Variants in KAZN observed in about 807,000 individuals in gnomAD.
KAZN encodes the protein kazrin, periplakin interacting protein, also known as kazrin.
KAZN carries 40 observed loss-of-function variants against 87.4 expected under a neutral mutation model. That is an observed-to-expected ratio of 0.46 (90% CI 0.36 to 0.60). The LOEUF (loss-of-function observed/expected upper bound fraction) is 0.60, where lower values mean the gene tolerates loss of function less well. KAZN is among the 20% of genes least tolerant of loss of function. KAZN has a pLI of 0.00. For missense variants in KAZN, 898 were observed against 1,073.9 expected (o/e 0.84, Z 2.29); for synonymous variants, 466 against 458.3 (o/e 1.02, Z -0.22).
intron 2 of KAZN, among the ~76,000 whole-genome samples, chr1:14,407,432 G>C (rs1663949360): frequency 6.6e-6 from 1 of 152,196 alleles, no homozygotes; most frequent in African/African-American, 2.4e-5. Flanking sequence ...AGAATCTTGT[G>C]GTGGTAAATG....
chr1:15,094,196 C>T lies in KAZN; in HGVS notation c.1239C>T (p.Cys413=). ...PGLFDDSDSQ[C]SPTRQSLSLS... Reference sequence around the variant, plus strand: ...GTGTTGCAGACTCGGACAGCCAGTGCAGCCCCACGCGGCAGAGCCTCAGCC... The same window carrying T: ...GTGTTGCAGACTCGGACAGCCAGTGTAGCCCCACGCGGCAGAGCCTCAGCC... The change falls in exon 9 of 15, where the codon TGC becomes TGT. Residue 413 remains cysteine (C), a synonymous_variant. Coordinates refer to ENST00000376030, the MANE Select transcript of KAZN (RefSeq NM_201628.3). This position sits in a 1 kb window ranked among gnomAD's most constrained non-coding sequence, Gnocchi z 4.5. 2 of 1,613,260 alleles carry T rather than the reference C, an allele frequency of 1.2e-6. No individual in the cohort carries two copies.
intron 2 of KAZN, among the ~76,000 whole-genome samples, chr1:14,527,347 G>A (rs1356375367): frequency 1.3e-5 from 2 of 152,106 alleles, no homozygotes; most frequent in Non-Finnish European, 2.9e-5. Context: ...TCAAGAGTTC[G>A]AGACCAGCCT....
chr1:14,615,105 C>T (rs1678125718), intron 1 of KAZN, among the ~76,000 whole-genome samples: 1 of 152,242 alleles, frequency 6.6e-6, no homozygotes, highest in Non-Finnish European at 1.5e-5. Context: ...TCCCTGCAGG[C>T]ACTGAGGAAG....
At chr1:15,006,871 A>G (rs1485543517) in intron 2 of KAZN, among the ~76,000 whole-genome samples, 1 of 151,974 alleles carries the variant, frequency 6.6e-6, no homozygotes, top group Non-Finnish European at 1.5e-5. Flanking sequence ...CCTGGCTAAC[A>G]TGGTGAAACC....
intron 2 of KAZN, among the ~76,000 whole-genome samples, chr1:14,245,030 G>A (rs554203782): frequency 1.3e-5 from 2 of 151,876 alleles, no homozygotes; most frequent in East Asian, 1.9e-4. Flanking sequence ...GCGAGATCTC[G>A]GCTCACTACT....
At chr1:14,168,866 G>C (rs116519658) in intron 1 of KAZN, among the ~76,000 whole-genome samples, 2 of 152,154 alleles carry the variant, frequency 1.3e-5, no homozygotes, top group Non-Finnish European at 2.9e-5. Context: ...ATGCAATGAT[G>C]CATGCAAGCC....
At chr1:14,410,130 G>A (rs775125755) in intron 2 of KAZN, among the ~76,000 whole-genome samples, 34 of 152,242 alleles carry the variant, frequency 2.2e-4, no homozygotes, top group East Asian at 7.7e-4. Flanking sequence ...TTGAGAGAGG[G>A]TCTTGCTCTG....
Position 14,384,473 on chromosome 1 carries a change from A to G in KAZN, c.249+203881A>G, listed in dbSNP as rs1281684069. ...GGGTTTGTCATAGATAGCTCTTACT[A>G]TTTTGAAATACGTCCCATCAATACC... On this transcript the variant is annotated intron_variant, in intron 2 of 16. Transcript: ENST00000636203. Among the ~76,000 whole-genome samples, 4 of 152,142 alleles carry G rather than the reference A, an allele frequency of 2.6e-5. No homozygotes were observed. In the East Asian group the frequency reaches 7.7e-4, roughly 29 times the overall value.
At chr1:14,652,912 C>A (rs1638544682) in intron 1 of KAZN, among the ~76,000 whole-genome samples, 1 of 151,984 alleles carries the variant, frequency 6.6e-6, no homozygotes. Flanking sequence ...GTGCCACTGG[C>A]ATCTGGCAGG....
At chr1:14,235,003 T>A (rs931520983) in intron 2 of KAZN, among the ~76,000 whole-genome samples, 17 of 152,220 alleles carry the variant, frequency 1.1e-4, no homozygotes, top group African/African-American at 3.9e-4. Context: ...AAATAGCTAG[T>A]TACTGTATGA....
At chr1:14,292,621 C>T (rs1205782344) in intron 2 of KAZN, among the ~76,000 whole-genome samples, 1 of 152,230 alleles carries the variant, frequency 6.6e-6, no homozygotes, top group Non-Finnish European at 1.5e-5. Flanking sequence ...CCGGCTCTAC[C>T]TCGCCTCATT....
chr1:14,950,862 A>C (rs933000035), intron 1 of KAZN, among the ~76,000 whole-genome samples: 5 of 152,134 alleles, frequency 3.3e-5, no homozygotes, highest in Non-Finnish European at 5.9e-5. Context: ...CTGCAGGCCC[A>C]GAAAGGAAGA....
intron 2 of KAZN, among the ~76,000 whole-genome samples, chr1:14,536,064 A>T (rs1208355248): frequency 1.3e-5 from 2 of 152,250 alleles, no homozygotes; most frequent in Admixed American, 1.3e-4. Context: ...AGAAGGCATC[A>T]GCTGTACAGG....
chr1:14,749,312 C>A (rs1282660644), intron 1 of KAZN, among the ~76,000 whole-genome samples: 1 of 152,166 alleles, frequency 6.6e-6, no homozygotes, highest in Non-Finnish European at 1.5e-5. Flanking sequence ...CTGTTACAAG[C>A]CTTTCTCCCA....
At chr1:13,970,430 C>A (rs992599578) in intron 1 of KAZN, among the ~76,000 whole-genome samples, 1 of 152,060 alleles carries the variant, frequency 6.6e-6, no homozygotes, top group Non-Finnish European at 1.5e-5. Flanking sequence ...GGATCAGAAG[C>A]GTGTATATGA....
intron 8 of KAZN, among the ~76,000 whole-genome samples, chr1:15,078,462 G>A (rs759488235): frequency 6.6e-6 from 1 of 152,138 alleles, no homozygotes; most frequent in Non-Finnish European, 1.5e-5. Context: ...CCAACAGACT[G>A]CACGACACTG....
At chr1:14,741,798 ACT>A (rs1215970569) in intron 1 of KAZN, among the ~76,000 whole-genome samples, 2 of 152,102 alleles carry the variant, frequency 1.3e-5, no homozygotes, top group Non-Finnish European at 1.5e-5. Flanking sequence ...ACAATAGCAA[ACT>A]CTGATAAAAT....
intron 1 of KAZN, among the ~76,000 whole-genome samples, chr1:14,131,593 G>T (rs535634987): frequency 1.3e-5 from 2 of 152,108 alleles, no homozygotes; most frequent in South Asian, 4.2e-4. Context: ...TGACTGTGAG[G>T]CGGCGCTAAT....
At chr1:14,450,121 C>CG (rs903582819) in intron 2 of KAZN, among the ~76,000 whole-genome samples, 5 of 54,372 alleles carry the variant, frequency 9.2e-5, no homozygotes, top group Admixed American at 7.5e-4. Flanking sequence ...GAGAGTGCTG[C>CG]CCCCCCGCCT....
Sources: gnomAD v4.1 joint callset for allele counts (sites outside exome capture counted in the v4.1 genomes callset) on GRCh38, gnomAD v4.1.1 for gene constraint, Gnocchi (gnomAD v3.1) non-coding constraint, MANE v1.5 for transcripts, NCBI Gene and HGNC (gene_info 2026-07-23, HGNC 2026-07-21) for gene names.